The following LRRC39 variants were observed in gnomAD, a reference collection of about 807,000 sequenced individuals.
LRRC39 encodes leucine rich repeat containing 39, also known as leucine-rich repeat-containing protein 39.
LRRC39 carries 35 observed loss-of-function variants against 39.7 expected under a neutral mutation model. The ratio of observed to expected loss-of-function variants is 0.88; its 90% confidence interval spans 0.67 to 1.17. The LOEUF is 1.17. Among genes scored for constraint, LRRC39 ranks in the 50% most tolerant of loss-of-function variants. The probability of loss-of-function intolerance (pLI) is 0.00; values close to 1 mark genes in which losing one functional copy is unlikely to be tolerated. For synonymous variants in LRRC39, 113 were observed against 134.1 expected (o/e 0.84, Z 1.09); for missense variants, 357 against 385.8 (o/e 0.93, Z 0.62).
At chr1:100,157,865 T>C (rs912020229) in intron 6 of LRRC39, among the ~76,000 whole-genome samples, 3 of 152,224 alleles carry the variant, frequency 2.0e-5, no homozygotes, top group Non-Finnish European at 4.4e-5. Context: ...TCCAGTCCCA[T>C]TGCTATCACT....
chr1:100,155,346 C>T, intron 7 of LRRC39, 143 bp from the exon 8 acceptor site: 1 of 667,264 alleles, frequency 1.5e-6, no homozygotes, highest in East Asian at 3.3e-5. Context: ...CTATTCTCCC[C>T]CTCAGCCTCC....
chr1:100,157,935 A>G (rs1478433142), intron 6 of LRRC39, among the ~76,000 whole-genome samples: 1 of 152,218 alleles, frequency 6.6e-6, no homozygotes, highest in Non-Finnish European at 1.5e-5. Context: ...AGTAATCACT[A>G]CAACCTAGGC....
At chr1:100,158,856 G>GAAAAAA (rs59271444) in intron 5 of LRRC39, among the ~76,000 whole-genome samples, 3 of 141,138 alleles carry the variant, frequency 2.1e-5, no homozygotes, top group Non-Finnish European at 3.1e-5. Flanking sequence ...CGTGCAATAG[G>GAAAAAA]AAAAAAAAAA....
intron 2 of LRRC39, among the ~76,000 whole-genome samples, chr1:100,169,848 C>G (rs1659479417): frequency 6.6e-6 from 1 of 151,936 alleles, no homozygotes; most frequent in Non-Finnish European, 1.5e-5. Context: ...TGTAAATGTT[C>G]CAATTTATAA....
chr1:100,162,688 T>C (rs1658979127), intron 3 of LRRC39, among the ~76,000 whole-genome samples: 1 of 152,006 alleles, frequency 6.6e-6, no homozygotes, highest in African/African-American at 2.4e-5. Flanking sequence ...TGCAAAAAGC[T>C]ATTTCTATCC....
rs12122948 is a variant in LRRC39 at position 100,158,366 on chromosome 1, T to C, written c.378A>G (p.Gly126=). 0.041 allele frequency: 66,621 copies of C among 1,610,736 alleles called. 1,551 individuals are homozygous for C. The highest frequency in any genetic ancestry group is 0.061 in the African/African-American group (4,549 of 74,876). ...TCAGTTCCTGAAGTCTAGTAAGCAG[T>C]CCTATAAAAAATAATATACAATAGA... ...NTISEIPPGI[G]LLTRLQELIL... Residue 126 remains glycine, a splice_region_variant and synonymous_variant, in exon 6 of 10, where the codon GGA becomes GGG. Transcript: ENST00000370137.
intron 1 of LRRC39, among the ~76,000 whole-genome samples, chr1:100,177,879 T>C (rs1364855028): frequency 6.6e-6 from 1 of 152,174 alleles, no homozygotes. Flanking sequence ...AAGCACATAA[T>C]GTGACAAGTG....
chr1:100,159,594 T>TC (rs1553225096), intron 4 of LRRC39, among the ~76,000 whole-genome samples, 179 bp from the exon 5 acceptor site: 1 of 123,620 alleles, frequency 8.1e-6, no homozygotes, highest in Admixed American at 1.1e-4. Flanking sequence ...CTTTCCTTTT[T>TC]TTTTTCTTTT....
intron 3 of LRRC39, among the ~76,000 whole-genome samples, chr1:100,164,606 C>G (rs1024442870): frequency 7.2e-5 from 11 of 152,146 alleles, no homozygotes; most frequent in African/African-American, 2.7e-4. Flanking sequence ...TTCCAGTTAG[C>G]CTTTTCTCTG....
chr1:100,174,386 C>T (rs71660919), intron 1 of LRRC39, among the ~76,000 whole-genome samples: 1 of 152,020 alleles, frequency 6.6e-6, no homozygotes, highest in Non-Finnish European at 1.5e-5. Context: ...CAACCTCCAC[C>T]TCCTGGGTTC....
chr1:100,161,354 T>C (rs1658861674), intron 3 of LRRC39, among the ~76,000 whole-genome samples: 2 of 152,256 alleles, frequency 1.3e-5, no homozygotes, highest in African/African-American at 2.4e-5. Context: ...ATACAATATA[T>C]AGCCTTTGTG....
At chr1:100,153,398 G>T (rs1287666755) in intron 8 of LRRC39, among the ~76,000 whole-genome samples, 1 of 152,132 alleles carries the variant, frequency 6.6e-6, no homozygotes, top group African/African-American at 2.4e-5. Context: ...CCTAGGCAAA[G>T]AATTTATGAT....
At chr1:100,150,521 A>ATGT (rs1657887377) in intron 9 of LRRC39, 4 of 152,308 alleles carry the variant, frequency 2.6e-5, no homozygotes, top group Middle Eastern at 3.4e-3. Context: ...TGTTTGATAA[A>ATGT]ATATACATAC....
intron 6 of LRRC39, among the ~76,000 whole-genome samples, 194 bp downstream of exon 6, chr1:100,158,037 A>G (rs1658582616): frequency 6.6e-6 from 1 of 152,260 alleles, no homozygotes; most frequent in Non-Finnish European, 1.5e-5. Context: ...TGTGATAATA[A>G]TAGAAGTATC....
chr1:100,170,067 T>G (rs1659491229), intron 2 of LRRC39, among the ~76,000 whole-genome samples: 1 of 152,116 alleles, frequency 6.6e-6, no homozygotes, highest in African/African-American at 2.4e-5. Flanking sequence ...GTGTTGTTTA[T>G]GAGAGGCACA....
At position 100,153,259 on chromosome 1, in the gene LRRC39, T is replaced by C. The variant is rs116150530; in HGVS notation, c.813-735A>G. Among the ~76,000 whole-genome samples, 411 of 152,324 alleles carry C rather than the reference T, an allele frequency of 2.7e-3. 2 individuals carry two copies. Among genetic ancestry groups the C allele is most frequent in the African/African-American group, 9.2e-3 (383 of 41,572 alleles). ...TAGTGGGTATTCTCTTATTCTCATT[T>C]GTCAGAAGATTAAGCTTTGGAAGAA... On this transcript the variant is annotated intron_variant, in intron 8 of 9. Transcript: ENST00000370137.
intron 9 of LRRC39, among the ~76,000 whole-genome samples, chr1:100,152,006 T>A (rs1431339433): frequency 6.6e-6 from 1 of 152,148 alleles, no homozygotes; most frequent in Non-Finnish European, 1.5e-5. Context: ...ATATTTTTCA[T>A]CCCTAGGTAA....
At chr1:100,158,755 C>G (rs1658660316) in intron 5 of LRRC39, among the ~76,000 whole-genome samples, 1 of 152,026 alleles carries the variant, frequency 6.6e-6, no homozygotes, top group Admixed American at 6.5e-5. Context: ...ACTTACTTGC[C>G]AATTTTGTAT....
At chr1:100,167,665 C>T (rs1377016210) in intron 3 of LRRC39, among the ~76,000 whole-genome samples, 1 of 151,832 alleles carries the variant, frequency 6.6e-6, no homozygotes, top group Non-Finnish European at 1.5e-5. Context: ...ATCCTAGCTA[C>T]TTGGAAGGCT....
Sources: allele counts gnomAD v4.1 joint callset (sites outside exome capture counted in the v4.1 genomes callset), GRCh38; gene constraint gnomAD v4.1.1; transcripts MANE v1.5; gene names NCBI Gene and HGNC (gene_info 2026-07-23, HGNC 2026-07-21).